The following HIVEP2 variants were observed in gnomAD, a reference collection of about 807,000 sequenced individuals.
HIVEP2 encodes the protein HIVEP zinc finger 2.
In HIVEP2, 14 loss-of-function variants were observed where a neutral mutation model predicts 180.7. That is an observed-to-expected ratio of 0.08 (90% CI 0.05 to 0.12). The LOEUF is 0.12. HIVEP2 is among the 10% of genes least tolerant of loss of function. The pLI is 1.00. For synonymous variants in HIVEP2, 1,184 were observed against 1,136.4 expected (o/e 1.04, Z -0.84); for missense variants, 2,579 against 3,008.5 (o/e 0.86, Z 3.34).
At chr6:142,925,730 C>T (rs1777791171) in intron 1 of HIVEP2, among the ~76,000 whole-genome samples, 1 of 152,218 alleles carries the variant, frequency 6.6e-6, no homozygotes, top group African/African-American at 2.4e-5. Context: ...ATACATAAGT[C>T]AGCGGTTAGC....
At chr6:142,908,692 G>A (rs1777329077) in intron 1 of HIVEP2, among the ~76,000 whole-genome samples, 1 of 152,010 alleles carries the variant, frequency 6.6e-6, no homozygotes, top group African/African-American at 2.4e-5. Flanking sequence ...TGGATAACTT[G>A]GTGCCTTCAG....
In HIVEP2 at chr6:142,772,649, C is replaced by T. The variant is rs1409785449; in HGVS notation, c.2090G>A (p.Arg697His). Residue 697 changes from arginine (R) to histidine (H), a missense_variant, in exon 5 of 10, where the codon CGC (arginine) becomes CAC (histidine). Physicochemically the swap from Arg to His is conservative, Grantham distance 29. Transcript: ENST00000367603. The surrounding 1 kb of genome is among the most constrained non-coding windows in gnomAD (Gnocchi z 4.9). ...ATCCCCTACGCTCTTCTCTTTCCGG[C>T]GTTTCCTGTTTTCACAGGTAGTTCC... Reference protein sequence around the residue: ...MFGTTCENRKRRKEKSVGDEE... With the variant: ...MFGTTCENRKHRKEKSVGDEE... 6.2e-7 allele frequency: 1 copy of T among 1,614,228 alleles called. No homozygotes were observed. The highest frequency in any genetic ancestry group is 8.5e-7 in the Non-Finnish European group (1 of 1,180,044).
At chr6:142,930,060 C>T (rs1006309479) in intron 1 of HIVEP2, among the ~76,000 whole-genome samples, 5 of 152,180 alleles carry the variant, frequency 3.3e-5, no homozygotes, top group Non-Finnish European at 7.4e-5. Flanking sequence ...AGAAAACTGA[C>T]TCCCAAGATA....
intron 2 of HIVEP2, among the ~76,000 whole-genome samples, chr6:142,823,944 C>T: frequency 6.6e-6 from 1 of 151,616 alleles, no homozygotes; most frequent in African/African-American, 2.4e-5. Flanking sequence ...ATTTATTTAC[C>T]TTTCAGTTTT....
At chr6:142,801,092 G>A (rs1423455341) in intron 2 of HIVEP2, among the ~76,000 whole-genome samples, 1 of 151,016 alleles carries the variant, frequency 6.6e-6, no homozygotes, top group African/African-American at 2.4e-5. Flanking sequence ...GTGATGGCTC[G>A]GCTTGCCCTG....
chr6:142,774,470 C>T lies in HIVEP2; in HGVS notation c.269G>A (p.Ser90Asn). The change falls in exon 5 of 10, where the codon AGT becomes AAT. Residue 90 changes from serine (S) to asparagine (N), a missense_variant. By Grantham distance (46) the Ser-to-Asn change is conservative. Around this residue, in one of 11 missense-constraint regions of HIVEP2, gnomAD observed 207 missense variants for 210.1 expected, o/e 0.99. Transcript: ENST00000367603. This position sits in a 1 kb window ranked among gnomAD's most constrained non-coding sequence, Gnocchi z 5.1. ...AEKQYPPHRP[S>N]PYSCQHSLSF... ...GAGTGAGTGTTGGCATGAGTAAGGA[C>T]TCGGACGATGCGGTGGATATTGCTT... 1 of 1,614,122 alleles carries T rather than the reference C, an allele frequency of 6.2e-7. No homozygotes were observed. The highest frequency in any genetic ancestry group is 8.5e-7 in the Non-Finnish European group (1 of 1,180,036).
intron 1 of HIVEP2, among the ~76,000 whole-genome samples, chr6:142,937,488 G>T (rs1043955601): frequency 1.3e-5 from 2 of 152,132 alleles, no homozygotes; most frequent in Admixed American, 6.5e-5. Context: ...GGGAGGTTAA[G>T]TAACATACCC....
At position 142,772,567 on chromosome 6, in the gene HIVEP2, C is replaced by G; in HGVS notation, c.2172G>C (p.Met724Ile). 6.2e-7 allele frequency: 1 copy of G among 1,614,220 alleles called. No homozygotes were observed. The highest frequency in any genetic ancestry group is 1.1e-5 in the South Asian group (1 of 91,088). Residue 724 changes from methionine to isoleucine, a missense_variant, in exon 5 of 10, where the codon ATG becomes ATC. Met to Ile is a conservative substitution (Grantham distance 10). Around this residue, in one of 11 missense-constraint regions of HIVEP2, gnomAD observed 524 missense variants for 563.6 expected, o/e 0.93. Coordinates refer to ENST00000367603, the MANE Select transcript of HIVEP2 (RefSeq NM_006734.4). The surrounding 1 kb of genome is among the most constrained non-coding windows in gnomAD (Gnocchi z 4.9). ...GCAGTTTGGGGTCATAATCGGAAGC[C>G]ATGATGCCCACAGGAGTGCTTACAA... ...SSIVSTPVGI[M>I]ASDYDPKLQM...
chr6:142,761,710 G>C, intron 7 of HIVEP2, 145 bp from the exon 8 acceptor site: 1 of 641,718 alleles, frequency 1.6e-6, no homozygotes, highest in South Asian at 1.8e-5. Context: ...ACTACCCCTT[G>C]TTTCAACCTT....
At chr6:142,901,437 C>A (rs1235851179) in intron 1 of HIVEP2, among the ~76,000 whole-genome samples, 1 of 152,142 alleles carries the variant, frequency 6.6e-6, no homozygotes, top group African/African-American at 2.4e-5. Context: ...CATAGATATG[C>A]TTCTGCAAGT....
chr6:142,797,238 T>C (rs1776300296), intron 2 of HIVEP2, among the ~76,000 whole-genome samples: 1 of 152,118 alleles, frequency 6.6e-6, no homozygotes, highest in Non-Finnish European at 1.5e-5. Flanking sequence ...TGCTTACAAG[T>C]TCTGGATGAA....
At chr6:142,762,186 T>C (rs759080162) in intron 7 of HIVEP2, among the ~76,000 whole-genome samples, 3 of 152,168 alleles carry the variant, frequency 2.0e-5, no homozygotes, top group Non-Finnish European at 4.4e-5. Flanking sequence ...CTGTCTGGCA[T>C]ATGTTAGCAA....
chr6:142,898,286 T>C (rs1482679991), intron 1 of HIVEP2, among the ~76,000 whole-genome samples: 4 of 152,150 alleles, frequency 2.6e-5, no homozygotes, highest in Non-Finnish European at 5.9e-5. Context: ...AGAAGTAAAA[T>C]TGAAACTCAG....
chr6:142,837,965 T>G (rs980611691), intron 1 of HIVEP2, among the ~76,000 whole-genome samples: 1 of 152,110 alleles, frequency 6.6e-6, no homozygotes, highest in African/African-American at 2.4e-5. Context: ...GTTCAAAAAC[T>G]TATTCCAAAG....
At chr6:142,826,810 CAT>C (rs1774915781) in intron 2 of HIVEP2, among the ~76,000 whole-genome samples, 1 of 152,184 alleles carries the variant, frequency 6.6e-6, no homozygotes. Flanking sequence ...GCTGTCTACT[CAT>C]AAAACAGGAG....
At chr6:142,834,943 G>A (rs1391140317) in intron 2 of HIVEP2, among the ~76,000 whole-genome samples, 1 of 150,938 alleles carries the variant, frequency 6.6e-6, no homozygotes, top group Non-Finnish European at 1.5e-5. Context: ...AATGCTTACC[G>A]ATTCCATATG....
chr6:142,771,177 G>C lies in HIVEP2; in HGVS notation c.3562C>G (p.His1188Asp). Residue 1188 changes from histidine to aspartate, a missense_variant, in exon 5 of 10, where the codon CAC (histidine) becomes GAC (aspartate). His to Asp is a moderately conservative substitution (Grantham distance 81). This residue lies in a region of HIVEP2 where 523 missense variants were observed against 577.0 expected (regional missense o/e 0.91). Coordinates refer to ENST00000367603, the MANE Select transcript of HIVEP2 (RefSeq NM_006734.4). The surrounding 1 kb of genome is among the most constrained non-coding windows in gnomAD (Gnocchi z 5.4). Reference protein sequence around the residue: ...MTSKHLPEQPHLFPHQETIPF... With the variant: ...MTSKHLPEQPDLFPHQETIPF... ...ATTGTCTCTTGATGTGGAAATAAGTGTGGCTGTTCAGGTAAGTGCTTGCTT... is the reference window on the plus strand; with the variant it reads ...ATTGTCTCTTGATGTGGAAATAAGTCTGGCTGTTCAGGTAAGTGCTTGCTT... 1.9e-6 allele frequency: 3 copies of C among 1,614,236 alleles called. No homozygotes were observed. Among genetic ancestry groups the C allele is most frequent in the Non-Finnish European group, 2.5e-6 (3 of 1,180,034 alleles).
rs776977005 is a variant in HIVEP2, at chr6:142,772,057, G to T, written c.2682C>A (p.Thr894=). The change falls in exon 5 of 10, where the codon ACC becomes ACA. Residue 894 remains threonine, a synonymous_variant. Coordinates refer to ENST00000367603, the MANE Select transcript of HIVEP2 (RefSeq NM_006734.4). This position sits in a 1 kb window ranked among gnomAD's most constrained non-coding sequence, Gnocchi z 4.9. The part of the protein sequence containing the change: ...HNIQVPEIRV[T]EEPDKPEKEK... ...CCTTCTCAGGTTTATCAGGCTCCTC[G>T]GTCACTCGAATCTCAGGAACCTGGA... The T allele has an allele frequency of 6.2e-7, 1 of 1,614,102 alleles. No individual in the cohort carries two copies. Among genetic ancestry groups the T allele is most frequent in the Admixed American group, 1.7e-5 (1 of 60,020 alleles).
chr6:142,862,909 A>ATTATG (rs1326574021), intron 1 of HIVEP2, among the ~76,000 whole-genome samples: 1 of 136,666 alleles, frequency 7.3e-6, no homozygotes, highest in Non-Finnish European at 1.5e-5. Flanking sequence ...GATTATATGT[A>ATTATG]TTATATAAAA....
Sources: allele counts gnomAD v4.1 joint callset (sites outside exome capture counted in the v4.1 genomes callset), GRCh38; gene constraint gnomAD v4.1.1; regional missense constraint gnomAD v4.1.1; non-coding constraint Gnocchi (gnomAD v3.1); transcripts MANE v1.5; gene names NCBI Gene and HGNC (gene_info 2026-07-23, HGNC 2026-07-21).